Variants in ZNF532 observed in about 807,000 individuals in gnomAD.
The protein encoded by ZNF532 is zinc finger protein 532.
ZNF532 carries 22 observed loss-of-function variants against 89.3 expected under a neutral mutation model. The ratio of observed to expected loss-of-function variants is 0.25; its 90% CI spans 0.18 to 0.35. The LOEUF (loss-of-function observed/expected upper bound fraction) is 0.35, where lower values mean the gene tolerates loss of function less well. Among genes scored for constraint, ZNF532 ranks in the 10% least tolerant of loss-of-function variants. ZNF532 has a pLI of 1.00. For missense variants in ZNF532, 1,132 were observed against 1,643.4 expected (o/e 0.69, Z 5.38); for synonymous variants, 606 against 649.6 (o/e 0.93, Z 1.02).
chr18:58,937,155 T>A (rs1487900833), intron 4 of ZNF532, among the ~76,000 whole-genome samples: 2 of 152,114 alleles, frequency 1.3e-5, no homozygotes, highest in Non-Finnish European at 2.9e-5. Context: ...CTGTAAATAT[T>A]TTTTTTAATT....
chr18:58,953,009 C>T (rs914410226), intron 6 of ZNF532, among the ~76,000 whole-genome samples: 1 of 152,162 alleles, frequency 6.6e-6, no homozygotes, highest in Non-Finnish European at 1.5e-5. Flanking sequence ...CAGACTGTTA[C>T]TAGTATTCCA....
chr18:58,970,581 G>A (rs1174565813), intron 7 of ZNF532, among the ~76,000 whole-genome samples: 1 of 152,230 alleles, frequency 6.6e-6, no homozygotes, highest in Non-Finnish European at 1.5e-5. Context: ...ATGCCTCAAG[G>A]CACCTGTCAG....
intron 5 of ZNF532, among the ~76,000 whole-genome samples, chr18:58,943,643 A>G (rs531072790): frequency 1.3e-5 from 2 of 152,084 alleles, no homozygotes; most frequent in African/African-American, 4.8e-5. Flanking sequence ...TTGTATTTTT[A>G]GTAGAGATGA....
At chr18:58,953,868 T>C in intron 7 of ZNF532, 69 bp downstream of exon 7, 1 of 1,528,582 alleles carries the variant, frequency 6.5e-7, no homozygotes, top group Non-Finnish European at 8.8e-7. Flanking sequence ...GCTTCCAAGA[T>C]GTGGGCTCTT....
At chr18:58,967,689 C>T (rs181360972) in intron 7 of ZNF532, among the ~76,000 whole-genome samples, 5 of 152,266 alleles carry the variant, frequency 3.3e-5, no homozygotes, top group South Asian at 2.1e-4. Context: ...AGGAATTAAT[C>T]GAAACGCACG....
intron 7 of ZNF532, among the ~76,000 whole-genome samples, chr18:58,958,399 T>TA (rs1425831736): frequency 2.0e-5 from 3 of 152,350 alleles, no homozygotes; most frequent in African/African-American, 7.2e-5. Context: ...CAGAAAGCAG[T>TA]AAAAAACTTA....
chr18:58,958,580 A>G (rs939286402), intron 7 of ZNF532, among the ~76,000 whole-genome samples: 13 of 152,208 alleles, frequency 8.5e-5, no homozygotes, highest in South Asian at 2.1e-4. Context: ...ACAGTCTTCT[A>G]TGGTTTACAG....
At chr18:58,942,354 CCTTCCTTCCTTCCTTCCTTCCTT>C (rs2063247652) in intron 5 of ZNF532, among the ~76,000 whole-genome samples, 2 of 60,100 alleles carry the variant, frequency 3.3e-5, no homozygotes, top group Non-Finnish European at 5.9e-5. Context: ...TCCCTCCCTT[CCTTCCTTCCTTCCTTCCTTCCTT>C]CCTTCCTTCC....
intron 2 of ZNF532, among the ~76,000 whole-genome samples, chr18:58,892,383 C>A (rs1395553326): frequency 1.3e-5 from 2 of 152,104 alleles, no homozygotes; most frequent in Non-Finnish European, 2.9e-5. Context: ...GATGGAAGCC[C>A]CGTAGACCTG....
At chr18:58,865,760 C>T (rs550642361) in intron 2 of ZNF532, among the ~76,000 whole-genome samples, 181 bp downstream of exon 2, 29 of 152,212 alleles carry the variant, frequency 1.9e-4, no homozygotes, top group East Asian at 1.4e-3. Context: ...GCGATCAAGG[C>T]GAAATCTGAA....
chr18:58,890,273 CAT>C (rs747097762), intron 2 of ZNF532, among the ~76,000 whole-genome samples: 8 of 149,818 alleles, frequency 5.3e-5, no homozygotes, highest in East Asian at 1.9e-4. Context: ...CACACACATA[CAT>C]ATATATATAT....
chr18:58,917,172 A>G (rs2146017868), intron 2 of ZNF532, among the ~76,000 whole-genome samples: 1 of 151,940 alleles, frequency 6.6e-6, no homozygotes, highest in Admixed American at 6.6e-5. Context: ...GTTTGCCTCC[A>G]CTGCAGAAGG....
intron 5 of ZNF532, 44 bp from the exon 6 acceptor site, chr18:58,948,023 A>AAAT: frequency 6.4e-7 from 1 of 1,562,530 alleles, no homozygotes; most frequent in Non-Finnish European, 8.7e-7. Context: ...CCTTTGACTT[A>AAAT]AAGAGGCTGA....
chr18:58,942,224 G>C (rs576712547), intron 5 of ZNF532, among the ~76,000 whole-genome samples: 2 of 150,860 alleles, frequency 1.3e-5, no homozygotes, highest in Non-Finnish European at 1.5e-5. Flanking sequence ...GGGTTTCACC[G>C]TGTTAGCCAG....
chr18:58,918,976 G>C lies in ZNF532; in HGVS notation c.689G>C (p.Ser230Thr), dbSNP rs747313548. 2 of 1,613,458 alleles carry C rather than the reference G, an allele frequency of 1.2e-6. No homozygotes were observed. Among genetic ancestry groups the C allele is most frequent in the Non-Finnish European group, 1.7e-6 (2 of 1,180,034 alleles). The change falls in exon 3 of 10, where the codon AGC (serine) becomes ACC (threonine). Residue 230 changes from serine to threonine, a missense_variant. Physicochemically the swap from Ser to Thr is moderately conservative, Grantham distance 58. Around this residue, in one of 9 missense-constraint regions of ZNF532, gnomAD observed 302 missense variants for 319.8 expected, o/e 0.94. Transcript: ENST00000591808. ...VRKAEDKLKE[S>T]SDKVLENRVL... Reference sequence around the variant, plus strand: ...AAAGCAGAGGATAAATTGAAGGAAAGCTCTGACAAGGTGCTGGAAAACAGA... The same window carrying C: ...AAAGCAGAGGATAAATTGAAGGAAACCTCTGACAAGGTGCTGGAAAACAGA...
intron 5 of ZNF532, among the ~76,000 whole-genome samples, chr18:58,946,356 G>T (rs1011201418): frequency 2.0e-5 from 3 of 147,294 alleles, no homozygotes; most frequent in Admixed American, 1.4e-4. Flanking sequence ...ACAGTGGCGT[G>T]ATCTCAGCTC....
chr18:58,881,370 AGCTGAT>A (rs2057912690), intron 2 of ZNF532, among the ~76,000 whole-genome samples: 1 of 152,072 alleles, frequency 6.6e-6, no homozygotes, highest in Non-Finnish European at 1.5e-5. Context: ...TCCTGACCTC[AGCTGAT>A]CCTGCCTCGG....
intron 2 of ZNF532, among the ~76,000 whole-genome samples, chr18:58,888,868 A>ATAATTC (rs1301154103): frequency 4.7e-5 from 2 of 42,238 alleles, no homozygotes; most frequent in South Asian, 6.8e-4. Flanking sequence ...ATATATATAT[A>ATAATTC]ATATATATTA....
intron 7 of ZNF532, among the ~76,000 whole-genome samples, chr18:58,977,282 G>A (rs987891928): frequency 3.3e-5 from 5 of 152,150 alleles, no homozygotes; most frequent in African/African-American, 7.2e-5. Flanking sequence ...TTTCCTGAGC[G>A]ATGTGTCCCA....
Sources: gnomAD v4.1 joint callset for allele counts (sites outside exome capture counted in the v4.1 genomes callset) on GRCh38, gnomAD v4.1.1 for gene constraint, gnomAD v4.1.1 regional missense constraint, MANE v1.5 for transcripts, NCBI Gene and HGNC (gene_info 2026-07-23, HGNC 2026-07-21) for gene names.